The following EDNRB variants were observed in gnomAD, a reference collection of about 807,000 sequenced individuals.
EDNRB encodes the protein Hirschsprung disease 2.
Under a neutral mutation model 46.4 loss-of-function variants are expected in EDNRB, and 18 were observed. The ratio of observed to expected loss-of-function variants is 0.39; its 90% CI spans 0.27 to 0.57. EDNRB has a LOEUF of 0.57. Among genes scored for constraint, EDNRB ranks in the 20% least tolerant of loss-of-function variants. EDNRB has a pLI of 0.61. For missense variants in EDNRB, 434 were observed against 537.5 expected (o/e 0.81, Z 1.90); for synonymous variants, 213 against 204.9 (o/e 1.04, Z -0.34).
chr13:77,968,483 G>C (rs1881640794), intron 1 of EDNRB, among the ~76,000 whole-genome samples: 1 of 152,012 alleles, frequency 6.6e-6, no homozygotes, highest in South Asian at 2.1e-4. Context: ...ATGAATGCAT[G>C]AATCTTTGAG....
intron 1 of EDNRB, among the ~76,000 whole-genome samples, chr13:77,928,437 A>G (rs891182421): frequency 6.6e-6 from 1 of 152,152 alleles, no homozygotes; most frequent in Non-Finnish European, 1.5e-5. Context: ...TATTTTGTAC[A>G]TATTTTTTCA....
At chr13:77,906,394 A>G (rs1164931730) in intron 1 of EDNRB, among the ~76,000 whole-genome samples, 6 of 152,006 alleles carry the variant, frequency 3.9e-5, no homozygotes, top group Non-Finnish European at 8.8e-5. Context: ...CCTCCCTTCA[A>G]AACATGAAGC....
intron 1 of EDNRB, among the ~76,000 whole-genome samples, chr13:77,933,258 C>A (rs530791217): frequency 3.9e-5 from 6 of 152,300 alleles, no homozygotes; most frequent in Admixed American, 1.3e-4. Context: ...ACCAAACAGG[C>A]TTTGTGTGAG....
rs200203512 is a variant in EDNRB, at chr13:77,896,957, T to G, written c.*1243A>C. 1 of 992,138 alleles carries G rather than the reference T, an allele frequency of 1.0e-6. No individual in the cohort carries two copies. Among genetic ancestry groups the G allele is most frequent in the South Asian group, 4.6e-5 (1 of 21,646 alleles). The allele number at this position is 992,138 out of a possible 1,614,324, so 61.5% of individuals were successfully genotyped here. ...GAAAAGCACCATGTCAAGCAAACTT[T>G]TCTATTGGCTATTTACAAAAATAAT... On this transcript the variant is annotated 3_prime_UTR_variant, in exon 7 of 7. Coordinates refer to ENST00000646607, the MANE Select transcript of EDNRB (RefSeq NM_001122659.3).
chr13:77,959,346 C>T (rs1173591808), intron 1 of EDNRB, among the ~76,000 whole-genome samples: 5 of 152,170 alleles, frequency 3.3e-5, no homozygotes, highest in Admixed American at 1.3e-4. Flanking sequence ...GACGAAGCTT[C>T]CAGAGGAACG....
At chr13:77,949,501 A>C (rs1426169006) in intron 1 of EDNRB, among the ~76,000 whole-genome samples, 2 of 152,086 alleles carry the variant, frequency 1.3e-5, no homozygotes, top group Admixed American at 6.6e-5. Flanking sequence ...TTTCTCCTGC[A>C]CCTTTTGCCC....
rs772959328 is a variant in EDNRB, at chr13:77,901,213, G to A, written c.802-6C>T. The stretch of plus-strand genomic sequence containing the variant: ...TCTTTTGCTGTCTTGTAAAACTATA[G>A]GGATGAGAGAATTTTTACGATTAAT... On this transcript the variant is annotated splice_region_variant and splice_polypyrimidine_tract_variant and intron_variant, in intron 3 of 6. Transcript: ENST00000646607. 13 of 1,609,554 alleles carry A rather than the reference G, an allele frequency of 8.1e-6. No homozygotes were observed. The highest frequency in any genetic ancestry group is 1.7e-5 in the Admixed American group (1 of 59,750).
intron 1 of EDNRB, among the ~76,000 whole-genome samples, chr13:77,962,992 C>A (rs200967635): frequency 6.6e-6 from 1 of 151,916 alleles, no homozygotes; most frequent in Non-Finnish European, 1.5e-5. Context: ...ACAAACAGAG[C>A]CAAATCATGA....
intron 1 of EDNRB, among the ~76,000 whole-genome samples, chr13:77,941,698 A>AT (rs58542502): frequency 0.9 from 136,544 of 152,258 alleles, 61,294 homozygotes; most frequent in East Asian, 0.98. Flanking sequence ...AGTGGTGGTG[A>AT]TGGAAGTTTT....
chr13:77,952,114 A>G (rs1220518987), intron 1 of EDNRB, among the ~76,000 whole-genome samples: 1 of 152,132 alleles, frequency 6.6e-6, no homozygotes, highest in Non-Finnish European at 1.5e-5. Context: ...CTCATGCAAG[A>G]AAGAATTTAG....
chr13:77,957,978 T>A (rs2137681097), intron 1 of EDNRB, among the ~76,000 whole-genome samples: 1 of 152,342 alleles, frequency 6.6e-6, no homozygotes, highest in East Asian at 1.9e-4. Flanking sequence ...AAATTCTTTT[T>A]AAAATGTTGA....
chr13:77,896,361 G>A lies in EDNRB; in HGVS notation c.*1839C>T. The A allele has an allele frequency of 1.4e-6, 2 of 1,438,036 alleles. No homozygotes were observed. Among genetic ancestry groups the A allele is most frequent in the Non-Finnish European group, 1.8e-6 (2 of 1,082,204 alleles). 89.1% of individuals were successfully genotyped at this position (1,438,036 alleles called of 1,614,324 possible). On this transcript the variant is annotated 3_prime_UTR_variant, in exon 7 of 7. Coordinates refer to ENST00000646607, the MANE Select transcript of EDNRB (RefSeq NM_001122659.3). ...GTCTAAAATGACTTCTATGATAACA[G>A]GCCTCTGAAAAAGTGATTGGGATGA...
intron 1 of EDNRB, among the ~76,000 whole-genome samples, chr13:77,938,952 C>A (rs1880650518): frequency 6.6e-6 from 1 of 152,202 alleles, no homozygotes; most frequent in Non-Finnish European, 1.5e-5. Context: ...CAAGGGAGGT[C>A]CCCCTATCTG....
At chr13:77,957,168 A>G (rs1186800269) in intron 1 of EDNRB, among the ~76,000 whole-genome samples, 3 of 152,216 alleles carry the variant, frequency 2.0e-5, no homozygotes, top group African/African-American at 7.2e-5. Flanking sequence ...TTGTTTAAAC[A>G]TGAGTCTACT....
intron 1 of EDNRB, among the ~76,000 whole-genome samples, chr13:77,904,620 G>A: frequency 6.6e-6 from 1 of 151,228 alleles, no homozygotes; most frequent in East Asian, 2.1e-4. Flanking sequence ...TATATATATA[G>A]TGTGTATATA....
In EDNRB at chr13:77,898,149, A is replaced by G. The variant is rs1331548029; in HGVS notation, c.*51T>C. On this transcript the variant is annotated 3_prime_UTR_variant, in exon 7 of 7. Coordinates refer to ENST00000646607, the MANE Select transcript of EDNRB (RefSeq NM_001122659.3). ...TTGGCAAATGTTTCATTTTGTTTTA[A>G]TGACTTCGGTCCAATATAAAGAAAA... The G allele has an allele frequency of 6.3e-7, 1 of 1,598,318 alleles. No homozygotes were observed. The highest frequency in any genetic ancestry group is 2.3e-5 in the East Asian group (1 of 44,414).
In EDNRB at chr13:77,898,304, C is replaced by T. The variant is rs200670733; in HGVS notation, c.1225G>A (p.Glu409Lys). ...TTTTCCTCCAAGGACTGTTTTTCTTCAAATGACTGGCACCAGCAGCATAAG... is the reference window on the plus strand; with the variant it reads ...TTTTCCTCCAAGGACTGTTTTTCTTTAAATGACTGGCACCAGCAGCATAAG... ...SCLCCWCQSFEEKQSLEEKQS... is the reference protein window; with the variant it reads ...SCLCCWCQSFKEKQSLEEKQS... The change falls in exon 7 of 7, where the codon GAA (glutamate) becomes AAA (lysine). Residue 409 changes from glutamate (E) to lysine (K), a missense_variant. Coordinates refer to ENST00000646607, the MANE Select transcript of EDNRB (RefSeq NM_001122659.3). The T allele has an allele frequency of 6.2e-7, 1 of 1,612,146 alleles. No homozygotes were observed.
chr13:77,924,203 C>T (rs1880167056), upstream of EDNRB, among the ~76,000 whole-genome samples: 1 of 152,156 alleles, frequency 6.6e-6, no homozygotes, highest in South Asian at 2.1e-4. Flanking sequence ...TTTCATAAGG[C>T]GATTTTTGCT....
At chr13:77,924,778 A>G (rs1245473411) in intron 1 of EDNRB, among the ~76,000 whole-genome samples, 1 of 152,134 alleles carries the variant, frequency 6.6e-6, no homozygotes, top group Non-Finnish European at 1.5e-5. Context: ...TTATGGGGGC[A>G]GGTCTTTCCT....
Sources: allele counts gnomAD v4.1 joint callset (sites outside exome capture counted in the v4.1 genomes callset), GRCh38; gene constraint gnomAD v4.1.1; transcripts MANE v1.5; gene names NCBI Gene and HGNC (gene_info 2026-07-23, HGNC 2026-07-21).